Variants in ARHGEF28 observed in about 807,000 individuals in gnomAD.
ARHGEF28 encodes the protein Rho guanine nucleotide exchange factor 28, also known as 190 kDa guanine nucleotide exchange factor.
Under a neutral mutation model 206.6 loss-of-function variants are expected in ARHGEF28, and 152 were observed. The observed-to-expected ratio is 0.74, with a 90% CI of 0.64 to 0.84. The LOEUF is 0.84. Among genes scored for constraint, ARHGEF28 ranks in the 40% least tolerant of loss-of-function variants. The pLI, the probability that ARHGEF28 is intolerant of heterozygous loss-of-function variation, is 0.00. For synonymous variants in ARHGEF28, 763 were observed against 776.4 expected, an observed-to-expected ratio of 0.98 and a Z score of 0.29; for missense variants, 2,028 against 2,073.2, an observed-to-expected ratio of 0.98 and a Z score of 0.42.
intron 9 of ARHGEF28, among the ~76,000 whole-genome samples, chr5:73,818,374 CTTAT>C (rs34158978): frequency 0.48 from 72,742 of 151,310 alleles, 18,154 homozygotes; most frequent in East Asian, 0.74. Flanking sequence ...ATCTCATGGG[CTTAT>C]TTGTCTTTTT....
intron 26 of ARHGEF28, among the ~76,000 whole-genome samples, chr5:73,891,400 A>G (rs1369759978): frequency 6.6e-6 from 1 of 151,986 alleles, no homozygotes; most frequent in Admixed American, 6.6e-5. Context: ...CCTCCTTCTC[A>G]GTCTCTTTGA....
intron 2 of ARHGEF28, among the ~76,000 whole-genome samples, chr5:73,687,053 CGT>C (rs1176484751): frequency 2.0e-5 from 3 of 152,110 alleles, no homozygotes; most frequent in Non-Finnish European, 4.4e-5. Context: ...ATTACCTACA[CGT>C]GTGTGACCTT....
chr5:73,834,147 A>C (rs1302117459), intron 10 of ARHGEF28, among the ~76,000 whole-genome samples: 1 of 152,210 alleles, frequency 6.6e-6, no homozygotes, highest in Non-Finnish European at 1.5e-5. Flanking sequence ...GATAATTACC[A>C]CAATCAAGCT....
At chr5:73,851,493 TC>T (rs1444752636) in intron 13 of ARHGEF28, among the ~76,000 whole-genome samples, 1 of 152,116 alleles carries the variant, frequency 6.6e-6, no homozygotes, top group African/African-American at 2.4e-5. Flanking sequence ...GTTTTATAAT[TC>T]CCTTTGGTCT....
At chr5:73,628,329 A>G (rs1002181687) in intron 1 of ARHGEF28, among the ~76,000 whole-genome samples, 1 of 152,166 alleles carries the variant, frequency 6.6e-6, no homozygotes, top group Admixed American at 6.5e-5. Context: ...ACACCACTAT[A>G]TTGGTACCCA....
At chr5:73,669,612 T>TGTC (rs1746182907) in intron 1 of ARHGEF28, among the ~76,000 whole-genome samples, 1 of 152,264 alleles carries the variant, frequency 6.6e-6, no homozygotes, top group South Asian at 2.1e-4. Context: ...TCAGACGTGT[T>TGTC]GTAGTCTTAA....
intron 35 of ARHGEF28, among the ~76,000 whole-genome samples, chr5:73,922,878 G>A (rs1010629950): frequency 6.6e-6 from 1 of 152,104 alleles, no homozygotes; most frequent in African/African-American, 2.4e-5. Flanking sequence ...ATCCAGATTG[G>A]CATGTTAGAC....
intron 3 of ARHGEF28, among the ~76,000 whole-genome samples, chr5:73,751,068 T>C (rs536751091): frequency 6.6e-6 from 1 of 152,298 alleles, no homozygotes; most frequent in South Asian, 2.1e-4. Context: ...AGCACTTCTG[T>C]CTTTAGTCCA....
chr5:73,712,080 G>A (rs1262477318), intron 2 of ARHGEF28, among the ~76,000 whole-genome samples: 7 of 151,956 alleles, frequency 4.6e-5, no homozygotes, highest in Non-Finnish European at 1.5e-5. Context: ...TGCTAAGATG[G>A]TGAATTACAT....
At chr5:73,896,093 G>A (rs748622019) in intron 29 of ARHGEF28, among the ~76,000 whole-genome samples, 5 of 152,066 alleles carry the variant, frequency 3.3e-5, no homozygotes, top group African/African-American at 9.7e-5. Flanking sequence ...CAATACTTAC[G>A]GAAAAAAGAG....
At chr5:73,636,788 G>C (rs184046944) in intron 1 of ARHGEF28, among the ~76,000 whole-genome samples, 4 of 152,280 alleles carry the variant, frequency 2.6e-5, no homozygotes, top group Admixed American at 2.6e-4. Flanking sequence ...CAAGGGGCCA[G>C]GGTCAGACCA....
At chr5:73,873,289 G>T (rs1278455011) in intron 22 of ARHGEF28, 43 bp downstream of exon 22, 5 of 1,556,118 alleles carry the variant, frequency 3.2e-6, no homozygotes, top group Admixed American at 1.9e-5. Context: ...ACGTAAGTGG[G>T]ATTTGAATCA....
At chr5:73,877,518 T>A (rs1760598982) in intron 22 of ARHGEF28, among the ~76,000 whole-genome samples, 1 of 133,002 alleles carries the variant, frequency 7.5e-6, no homozygotes, top group African/African-American at 3.0e-5. Context: ...GATGTTAGGG[T>A]GTCAATTTTA....
rs775186964 is a variant in ARHGEF28, at chr5:73,886,143, A to T, written c.3310+39A>T. The T allele has an allele frequency of 5.2e-5, 81 of 1,564,238 alleles. 3 individuals carry two copies. In the South Asian group the frequency reaches 9.8e-4, roughly 19 times the overall value. On this transcript the variant is annotated intron_variant, in intron 25 of 35. Transcript: ENST00000513042. The stretch of plus-strand genomic sequence containing the variant: ...ACCAGACCAATTTCTCCCTTCATAC[A>T]CATTATTCATTTAACAGAGGACAGA...
chr5:73,887,215 G>A (rs150235587), intron 25 of ARHGEF28, among the ~76,000 whole-genome samples: 1 of 152,294 alleles, frequency 6.6e-6, no homozygotes, highest in East Asian at 1.9e-4. Flanking sequence ...ACCTTGCTCA[G>A]ATCTAGATGA....
At chr5:73,868,827 C>T (rs533056921) in intron 20 of ARHGEF28, among the ~76,000 whole-genome samples, 2 of 152,072 alleles carry the variant, frequency 1.3e-5, no homozygotes, top group East Asian at 1.9e-4. Context: ...TTGTATTGTT[C>T]GTAGAGATGG....
chr5:73,897,480 A>T (rs944022744), intron 29 of ARHGEF28, among the ~76,000 whole-genome samples: 1 of 152,232 alleles, frequency 6.6e-6, no homozygotes, highest in Non-Finnish European at 1.5e-5. Context: ...AGTGTAGGGA[A>T]ATACTCTTTT....
chr5:73,826,544 A>G (rs1224403816), intron 9 of ARHGEF28, among the ~76,000 whole-genome samples: 1 of 152,200 alleles, frequency 6.6e-6, no homozygotes, highest in East Asian at 1.9e-4. Context: ...GGTCTCTTAC[A>G]TAACCAGTCA....
At position 73,867,861 on chromosome 5, in the gene ARHGEF28, T is replaced by G; in HGVS notation, c.2153-15T>G. On this transcript the variant is annotated splice_polypyrimidine_tract_variant and intron_variant, in intron 18 of 35. Transcript: ENST00000513042. ...TGACCTGGAAACCACATGAAGCATC[T>G]GTTCTGATTTCCAGATTCTTCATTT... The G allele has an allele frequency of 6.2e-7, 1 of 1,613,946 alleles. No individual in the cohort carries two copies. Among genetic ancestry groups the G allele is most frequent in the Non-Finnish European group, 8.5e-7 (1 of 1,179,834 alleles).
Sources: gnomAD v4.1 joint callset for allele counts (sites outside exome capture counted in the v4.1 genomes callset) on GRCh38, gnomAD v4.1.1 for gene constraint, MANE v1.5 for transcripts, NCBI Gene and HGNC (gene_info 2026-07-23, HGNC 2026-07-21) for gene names.